ZFYVE9: variants seen among roughly 807,000 people sequenced by gnomAD.
The protein encoded by ZFYVE9 is zinc finger FYVE domain-containing protein 9.
In ZFYVE9, 43 loss-of-function variants were observed where a neutral mutation model predicts 126.7. The observed-to-expected ratio is 0.34, with a 90% CI of 0.27 to 0.44. The LOEUF is 0.44. Among genes scored for constraint, ZFYVE9 ranks in the 20% least tolerant of loss-of-function variants. The pLI is 1.00. For missense variants in ZFYVE9, 1,476 were observed against 1,697.0 expected (o/e 0.87, Z 2.29); for synonymous variants, 521 against 597.4 (o/e 0.87, Z 1.87).
intron 1 of ZFYVE9, among the ~76,000 whole-genome samples, chr1:52,182,002 G>T (rs1182817732): frequency 2.0e-5 from 3 of 151,742 alleles, no homozygotes; most frequent in Non-Finnish European, 4.4e-5. Flanking sequence ...GGAGGCGAGG[G>T]GGTCAGCCCA....
At chr1:52,283,394 A>G (rs1259605729) in intron 10 of ZFYVE9, among the ~76,000 whole-genome samples, 1 of 152,224 alleles carries the variant, frequency 6.6e-6, no homozygotes, top group Admixed American at 6.5e-5. Context: ...ACATAATCAG[A>G]TTTGCATTTT....
intron 13 of ZFYVE9, among the ~76,000 whole-genome samples, chr1:52,320,902 GGTAAT>G (rs1428472710): frequency 6.6e-6 from 1 of 150,706 alleles, no homozygotes; most frequent in Non-Finnish European, 1.5e-5. Context: ...TTTTTTTTCT[GGTAAT>G]GTAATAGACG....
intron 7 of ZFYVE9, among the ~76,000 whole-genome samples, chr1:52,270,584 A>G (rs1645682725): frequency 6.6e-6 from 1 of 152,112 alleles, no homozygotes; most frequent in South Asian, 2.1e-4. Context: ...ATTTTTACAT[A>G]TATGTGTGTG....
intron 18 of ZFYVE9, 180 bp from the exon 19 acceptor site, chr1:52,345,880 G>T: frequency 1.8e-6 from 1 of 544,260 alleles, no homozygotes; most frequent in Non-Finnish European, 3.0e-6. Flanking sequence ...CAAGTGGTCA[G>T]GAGGAGTAAA....
intron 4 of ZFYVE9, among the ~76,000 whole-genome samples, chr1:52,254,357 A>G (rs1206946531): frequency 6.7e-6 from 1 of 150,126 alleles, no homozygotes; most frequent in Non-Finnish European, 1.5e-5. Context: ...CATGTAATAA[A>G]GCTCACATAT....
At chr1:52,147,408 C>T (rs1187053512) in intron 1 of ZFYVE9, among the ~76,000 whole-genome samples, 1 of 152,158 alleles carries the variant, frequency 6.6e-6, no homozygotes. Context: ...CAGGATCTCC[C>T]TAATCCTCCC....
At chr1:52,286,211 T>C (rs1320484093) in intron 10 of ZFYVE9, among the ~76,000 whole-genome samples, 3 of 151,976 alleles carry the variant, frequency 2.0e-5, no homozygotes, top group East Asian at 3.9e-4. Context: ...GTGTAGCACA[T>C]TGAGTGAAAT....
At chr1:52,213,114 A>G (rs1016710192) in intron 1 of ZFYVE9, among the ~76,000 whole-genome samples, 27 of 152,212 alleles carry the variant, frequency 1.8e-4, no homozygotes, top group Admixed American at 1.3e-3. Context: ...GGTAAAAAGT[A>G]CTGGCGTTAT....
intron 2 of ZFYVE9, among the ~76,000 whole-genome samples, chr1:52,225,156 G>T (rs904806961): frequency 1.3e-5 from 2 of 152,174 alleles, no homozygotes; most frequent in Non-Finnish European, 2.9e-5. Flanking sequence ...TCTTACCTTG[G>T]TCTATGCACA....
intron 10 of ZFYVE9, among the ~76,000 whole-genome samples, chr1:52,282,199 A>C (rs11801974): frequency 0.039 from 5,878 of 152,278 alleles, 298 homozygotes; most frequent in African/African-American, 0.12. Context: ...CAAATTTCAA[A>C]AACAATTAGC....
At chr1:52,162,850 C>T (rs974796231) in intron 1 of ZFYVE9, 2 of 451,854 alleles carry the variant, frequency 4.4e-6, no homozygotes, top group Admixed American at 5.4e-5. Context: ...GAGAATGCCT[C>T]CTTGACATTT....
At chr1:52,223,976 C>T (rs1447298555) in intron 2 of ZFYVE9, among the ~76,000 whole-genome samples, 2 of 152,256 alleles carry the variant, frequency 1.3e-5, no homozygotes, top group Non-Finnish European at 2.9e-5. Flanking sequence ...CAGAGACTGT[C>T]CAGTTTGATC....
intron 10 of ZFYVE9, among the ~76,000 whole-genome samples, chr1:52,288,851 G>A (rs1032517789): frequency 1.3e-5 from 2 of 151,136 alleles, no homozygotes; most frequent in African/African-American, 2.4e-5. Flanking sequence ...AATTGAACCC[G>A]GGAGGCGGAG....
At chr1:52,151,804 A>G (rs1644359120) in intron 1 of ZFYVE9, among the ~76,000 whole-genome samples, 1 of 151,986 alleles carries the variant, frequency 6.6e-6, no homozygotes, top group African/African-American at 2.4e-5. Context: ...GACATGAGCC[A>G]CCTCTCTGAG....
At chr1:52,209,757 A>G (rs1645010542) in intron 1 of ZFYVE9, among the ~76,000 whole-genome samples, 1 of 152,196 alleles carries the variant, frequency 6.6e-6, no homozygotes, top group Admixed American at 6.5e-5. Flanking sequence ...AGAATTTGAG[A>G]ATAGAGAATA....
chr1:52,271,823 G>T (rs1273502273), intron 7 of ZFYVE9, among the ~76,000 whole-genome samples: 1 of 152,044 alleles, frequency 6.6e-6, no homozygotes, highest in South Asian at 2.1e-4. Flanking sequence ...CAAAACATGG[G>T]CATATTTATT....
At chr1:52,188,165 T>C (rs1644782073) in intron 1 of ZFYVE9, among the ~76,000 whole-genome samples, 2 of 152,140 alleles carry the variant, frequency 1.3e-5, no homozygotes, top group Non-Finnish European at 2.9e-5. Flanking sequence ...AATGAGACCA[T>C]ATGCTGTGCA....
chr1:52,165,632 A>C (rs1430622250), intron 1 of ZFYVE9, among the ~76,000 whole-genome samples: 2 of 152,202 alleles, frequency 1.3e-5, no homozygotes, highest in Non-Finnish European at 2.9e-5. Context: ...ATGCTGCTTC[A>C]ATCAGAGCAC....
chr1:52,308,666 C>T (rs1402150322), intron 13 of ZFYVE9, among the ~76,000 whole-genome samples: 3 of 152,226 alleles, frequency 2.0e-5, no homozygotes, highest in Admixed American at 2.0e-4. Flanking sequence ...CTAACCCCCA[C>T]TCATTATTCA....
Sources: gnomAD v4.1 joint callset for allele counts (sites outside exome capture counted in the v4.1 genomes callset) on GRCh38, gnomAD v4.1.1 for gene constraint, MANE v1.5 for transcripts, NCBI Gene and HGNC (gene_info 2026-07-23, HGNC 2026-07-21) for gene names.